The following RAD51B variants were observed in gnomAD, a reference collection of about 807,000 sequenced individuals.
The protein encoded by RAD51B is DNA repair protein RAD51 homolog 2.
In RAD51B, 38 loss-of-function variants were observed where a neutral mutation model predicts 42.2. The observed-to-expected ratio is 0.90, with a 90% CI of 0.70 to 1.18. The LOEUF (loss-of-function observed/expected upper bound fraction) is 1.18, where lower values mean the gene tolerates loss of function less well. Among genes scored for constraint, RAD51B ranks in the 50% most tolerant of loss-of-function variants. RAD51B has a pLI of 0.00. For synonymous variants in RAD51B, 154 were observed against 145.2 expected (o/e 1.06, Z -0.43); for missense variants, 373 against 400.7 (o/e 0.93, Z 0.59).
chr14:68,391,403 G>A (rs1032308285), intron 8 of RAD51B, among the ~76,000 whole-genome samples: 2 of 151,954 alleles, frequency 1.3e-5, no homozygotes, highest in Non-Finnish European at 2.9e-5. Flanking sequence ...TTTCCAACTC[G>A]CTGGGGACCA....
chr14:68,411,703 G>A (rs2084426243), intron 9 of RAD51B, among the ~76,000 whole-genome samples, 176 bp downstream of exon 9: 1 of 152,100 alleles, frequency 6.6e-6, no homozygotes, highest in African/African-American at 2.4e-5. Flanking sequence ...AATAAAGTGG[G>A]GAGACAAGTC....
At chr14:68,247,979 G>A (rs978210067) in intron 7 of RAD51B, among the ~76,000 whole-genome samples, 5 of 152,272 alleles carry the variant, frequency 3.3e-5, no homozygotes, top group Middle Eastern at 3.4e-3. Context: ...TGTTGTAAAA[G>A]GAGGAAGAAT....
intron 8 of RAD51B, among the ~76,000 whole-genome samples, chr14:68,310,721 T>C (rs2139725606): frequency 6.6e-6 from 1 of 152,296 alleles, no homozygotes; most frequent in East Asian, 1.9e-4. Context: ...GGTGCACATC[T>C]GTAATCCCGG....
chr14:68,575,222 A>G (rs1474511120), intron 10 of RAD51B, among the ~76,000 whole-genome samples: 2 of 152,126 alleles, frequency 1.3e-5, no homozygotes, highest in African/African-American at 4.8e-5. Context: ...GAGGATATGG[A>G]GTTTATTTAT....
chr14:68,313,883 A>C (rs1214654551), intron 8 of RAD51B, among the ~76,000 whole-genome samples: 1 of 151,980 alleles, frequency 6.6e-6, no homozygotes, highest in African/African-American at 2.4e-5. Flanking sequence ...CTTAGTGCCT[A>C]GCTTCCTCCT....
chr14:68,410,469 C>T (rs2084387079), intron 8 of RAD51B, among the ~76,000 whole-genome samples: 1 of 152,200 alleles, frequency 6.6e-6, no homozygotes, highest in Middle Eastern at 3.2e-3. Context: ...CATCTGGAGG[C>T]AACAAGGCAC....
At chr14:68,189,461 A>G (rs1000645206) in intron 7 of RAD51B, among the ~76,000 whole-genome samples, 2 of 152,184 alleles carry the variant, frequency 1.3e-5, no homozygotes, top group Non-Finnish European at 1.5e-5. Flanking sequence ...AACCTAAAAT[A>G]TTGATTTCCT....
chr14:68,613,341 C>G (rs1447757956), downstream of RAD51B, among the ~76,000 whole-genome samples: 1 of 151,946 alleles, frequency 6.6e-6, no homozygotes. Flanking sequence ...TTGCTTGAAC[C>G]CAGGAGGTGG....
At chr14:68,096,016 TAA>T (rs2077188631) in intron 7 of RAD51B, among the ~76,000 whole-genome samples, 1 of 150,248 alleles carries the variant, frequency 6.7e-6, no homozygotes, top group African/African-American at 2.4e-5. Flanking sequence ...TCAGAAAGGT[TAA>T]GTGATTTTTC....
At chr14:68,315,544 CAG>C in intron 8 of RAD51B, among the ~76,000 whole-genome samples, 1 of 152,094 alleles carries the variant, frequency 6.6e-6, no homozygotes, top group South Asian at 2.1e-4. Context: ...TTTTTTGAGA[CAG>C]AGTCTCACTC....
chr14:68,679,419 C>T (rs1487655112), intron 11 of RAD51B, among the ~76,000 whole-genome samples: 3 of 152,236 alleles, frequency 2.0e-5, no homozygotes, highest in Non-Finnish European at 4.4e-5. Flanking sequence ...CCAGGGCAGC[C>T]ATTTATGCAG....
intron 10 of RAD51B, among the ~76,000 whole-genome samples, chr14:68,640,050 C>T (rs1445205071): frequency 2.6e-5 from 4 of 152,180 alleles, no homozygotes; most frequent in African/African-American, 9.7e-5. Context: ...GATCCACCCA[C>T]CTCAGCCTCC....
At chr14:68,639,800 G>GT (rs1441672075) in intron 10 of RAD51B, among the ~76,000 whole-genome samples, 1 of 151,760 alleles carries the variant, frequency 6.6e-6, no homozygotes, top group African/African-American at 2.4e-5. Context: ...TTTGTTTTTT[G>GT]TTTTTTTGAG....
At chr14:68,346,444 T>C (rs1400500569) in intron 8 of RAD51B, among the ~76,000 whole-genome samples, 2 of 152,192 alleles carry the variant, frequency 1.3e-5, no homozygotes, top group Admixed American at 6.5e-5. Flanking sequence ...ATCAACTTCC[T>C]CTCTATTCTG....
intron 7 of RAD51B, among the ~76,000 whole-genome samples, chr14:68,169,905 G>A (rs998246211): frequency 1.3e-5 from 2 of 152,108 alleles, no homozygotes; most frequent in African/African-American, 2.4e-5. Flanking sequence ...AATTAAACAA[G>A]TCTTGTTTAT....
chr14:68,127,650 C>T (rs2077794792), intron 7 of RAD51B, among the ~76,000 whole-genome samples: 1 of 125,880 alleles, frequency 7.9e-6, no homozygotes, highest in Non-Finnish European at 1.5e-5. Context: ...CACACACACA[C>T]ACACATACAC....
At chr14:68,212,800 G>A (rs2079738243) in intron 7 of RAD51B, among the ~76,000 whole-genome samples, 1 of 152,200 alleles carries the variant, frequency 6.6e-6, no homozygotes, top group Non-Finnish European at 1.5e-5. Flanking sequence ...GTCAATATGA[G>A]CTCATTGAAA....
intron 8 of RAD51B, among the ~76,000 whole-genome samples, chr14:68,326,721 AT>A (rs1301512460): frequency 6.6e-6 from 1 of 152,142 alleles, no homozygotes; most frequent in Non-Finnish European, 1.5e-5. Flanking sequence ...ACCTAATTAC[AT>A]TTTTTTCAAC....
chr14:68,609,727 C>T (rs955596225), intron 10 of RAD51B, among the ~76,000 whole-genome samples: 1 of 152,268 alleles, frequency 6.6e-6, no homozygotes, highest in East Asian at 1.9e-4. Context: ...TCTTGTCCCC[C>T]GTATCACACA....
Sources: allele counts gnomAD v4.1 joint callset (sites outside exome capture counted in the v4.1 genomes callset), GRCh38; gene constraint gnomAD v4.1.1; transcripts MANE v1.5; gene names NCBI Gene and HGNC (gene_info 2026-07-23, HGNC 2026-07-21).